Variants in ADARB2 observed in about 807,000 individuals in gnomAD.
ADARB2 encodes the protein inactive double-stranded RNA-specific editase B2.
A neutral mutation model predicts 62.2 loss-of-function variants in ADARB2; 25 were observed. That is an observed-to-expected ratio of 0.40 (90% CI 0.29 to 0.56). ADARB2 has a LOEUF of 0.56. ADARB2 is among the 20% of genes least tolerant of loss of function. ADARB2 has a pLI of 0.43. For synonymous variants in ADARB2, 572 were observed against 500.8 expected (o/e 1.14, Z -1.90); for missense variants, 1,071 against 1,077.4 (o/e 0.99, Z 0.08).
chr10:1,688,960 C>A (rs1215089502), intron 1 of ADARB2, among the ~76,000 whole-genome samples: 1 of 152,190 alleles, frequency 6.6e-6, no homozygotes, highest in East Asian at 1.9e-4. Flanking sequence ...GAAAATAAGT[C>A]ATGTTACTTC....
chr10:1,336,471 C>G (rs144247234), intron 3 of ADARB2, among the ~76,000 whole-genome samples: 28 of 152,310 alleles, frequency 1.8e-4, no homozygotes, highest in African/African-American at 6.0e-4. Flanking sequence ...AAACCCACCC[C>G]TCATATTTAG....
chr10:1,652,304 G>C (rs916602178), intron 1 of ADARB2, among the ~76,000 whole-genome samples: 1 of 152,188 alleles, frequency 6.6e-6, no homozygotes, highest in African/African-American at 2.4e-5. Context: ...ACTGTGCACC[G>C]GCCCTGCTAG....
chr10:1,583,702 G>A (rs1833136140), intron 1 of ADARB2, among the ~76,000 whole-genome samples: 2 of 152,176 alleles, frequency 1.3e-5, no homozygotes, highest in Admixed American at 1.3e-4. Flanking sequence ...CAAAATCTGA[G>A]CAAGTGATGT....
intron 1 of ADARB2, among the ~76,000 whole-genome samples, chr10:1,558,238 G>C (rs927714077): frequency 6.7e-6 from 1 of 149,002 alleles, no homozygotes; most frequent in Non-Finnish European, 1.5e-5. Context: ...CCCCTCCATG[G>C]GTGCTCAGAC....
intron 1 of ADARB2, among the ~76,000 whole-genome samples, chr10:1,602,133 C>G (rs1309637888): frequency 1.3e-5 from 2 of 152,178 alleles, no homozygotes; most frequent in Non-Finnish European, 2.9e-5. Context: ...CCAGCGATGG[C>G]TGGCTGTCCT....
chr10:1,422,012 C>A (rs1323633509), intron 1 of ADARB2, among the ~76,000 whole-genome samples: 1 of 152,198 alleles, frequency 6.6e-6, no homozygotes, highest in Non-Finnish European at 1.5e-5. Flanking sequence ...GCTTGAGGTG[C>A]CTGCATCTGA....
At chr10:1,380,750 G>A (rs1218016102) in intron 1 of ADARB2, among the ~76,000 whole-genome samples, 2 of 152,144 alleles carry the variant, frequency 1.3e-5, no homozygotes, top group South Asian at 2.1e-4. Flanking sequence ...AATAAACCAG[G>A]GAAGGGTTTG....
chr10:1,669,591 AACACAGACACACTCATACAGAGAC>A (rs1564363166), intron 1 of ADARB2, among the ~76,000 whole-genome samples: 1 of 150,096 alleles, frequency 6.7e-6, no homozygotes, highest in East Asian at 2.0e-4. Context: ...CTCACTCACA[AACACAGACACACTCATACAGAGAC>A]ACACAGACAC....
At chr10:1,251,849 T>C (rs900398859) in intron 4 of ADARB2, among the ~76,000 whole-genome samples, 1 of 152,170 alleles carries the variant, frequency 6.6e-6, no homozygotes, top group African/African-American at 2.4e-5. Flanking sequence ...CATGTGAGGA[T>C]ACAGTGTTCC....
chr10:1,371,219 G>A (rs1832367293), intron 2 of ADARB2, among the ~76,000 whole-genome samples: 1 of 152,202 alleles, frequency 6.6e-6, no homozygotes, highest in African/African-American at 2.4e-5. Flanking sequence ...AGTAAATGGT[G>A]CTGGGAAATT....
intron 1 of ADARB2, among the ~76,000 whole-genome samples, chr10:1,658,098 CTCTCTG>C (rs1834195200): frequency 6.6e-6 from 1 of 151,710 alleles, no homozygotes; most frequent in Admixed American, 6.6e-5. Flanking sequence ...CTGATTCTCT[CTCTCTG>C]TCTCTATCTG....
rs535976940 is a variant in ADARB2 at position 1,695,618 on chromosome 10, TGTGAGA to T, written c.100+41427_100+41432del. Among the ~76,000 whole-genome samples, 30 of 110,850 alleles carry T rather than the reference TGTGAGA, an allele frequency of 2.7e-4. No homozygotes were observed. In the East Asian group the frequency reaches 4.2e-3, roughly 15 times the overall value. 72.7% of individuals were successfully genotyped at this position (110,850 alleles called of 152,430 possible). On this transcript the variant is annotated intron_variant, in intron 1 of 9. Transcript: ENST00000381312. Reference sequence around the variant, plus strand: ...ATGTATACACAGAAACATGCATGTTTGTGAGAGTGTGTGCATGTATACACATAAACA... The same window carrying T: ...ATGTATACACAGAAACATGCATGTTTGTGTGTGCATGTATACACATAAACA...
chr10:1,224,050 G>C (rs1359584996), intron 6 of ADARB2, among the ~76,000 whole-genome samples: 1 of 152,110 alleles, frequency 6.6e-6, no homozygotes, highest in African/African-American at 2.4e-5. Context: ...ACCCCATCTG[G>C]TCCTGGACTT....
intron 1 of ADARB2, among the ~76,000 whole-genome samples, chr10:1,721,407 G>A (rs1204181665): frequency 6.6e-6 from 1 of 152,150 alleles, no homozygotes; most frequent in Non-Finnish European, 1.5e-5. Context: ...CTGTCAGCGT[G>A]TTTTCTATAT....
chr10:1,225,118 T>G (rs1245900948), intron 6 of ADARB2, among the ~76,000 whole-genome samples: 4 of 152,138 alleles, frequency 2.6e-5, no homozygotes, highest in African/African-American at 9.7e-5. Context: ...GGTGCATATA[T>G]ATTTAGGATA....
At chr10:1,346,066 C>T (rs1227697882) in intron 3 of ADARB2, among the ~76,000 whole-genome samples, 2 of 152,046 alleles carry the variant, frequency 1.3e-5, no homozygotes, top group African/African-American at 4.8e-5. Context: ...TTTTAAAGAC[C>T]CATTCACACT....
At chr10:1,661,868 C>T (rs1423277528) in intron 1 of ADARB2, among the ~76,000 whole-genome samples, 6 of 152,178 alleles carry the variant, frequency 3.9e-5, no homozygotes, top group South Asian at 2.1e-4. Context: ...GCAGCTTCAC[C>T]GTCTTCCCTC....
intron 1 of ADARB2, among the ~76,000 whole-genome samples, chr10:1,606,295 G>A (rs1433311177): frequency 1.3e-5 from 2 of 152,132 alleles, no homozygotes; most frequent in African/African-American, 4.8e-5. Flanking sequence ...CCCCAGCCCA[G>A]ACTCTCTGAG....
chr10:1,338,356 A>C (rs1298564899), intron 3 of ADARB2, among the ~76,000 whole-genome samples: 3 of 152,226 alleles, frequency 2.0e-5, no homozygotes, highest in Non-Finnish European at 4.4e-5. Flanking sequence ...TCTGGTCCAT[A>C]ATAACTACAT....
Sources: allele counts gnomAD v4.1 joint callset (sites outside exome capture counted in the v4.1 genomes callset), GRCh38; gene constraint gnomAD v4.1.1; transcripts MANE v1.5; gene names NCBI Gene and HGNC (gene_info 2026-07-23, HGNC 2026-07-21).